The following HEATR4 variants were observed in gnomAD, a reference collection of about 807,000 sequenced individuals.
The protein encoded by HEATR4 is HEAT repeat-containing protein 4.
A neutral mutation model predicts 108.8 loss-of-function variants in HEATR4; 95 were observed. That is an observed-to-expected ratio of 0.87 (90% confidence interval 0.74 to 1.04). The LOEUF (loss-of-function observed/expected upper bound fraction) is 1.04, where lower values mean the gene tolerates loss of function less well. Among genes scored for constraint, HEATR4 ranks in the 50% least tolerant of loss-of-function variants. The pLI is 0.00. For missense variants in HEATR4, 1,152 were observed against 1,253.8 expected (o/e 0.92, Z 1.23); for synonymous variants, 443 against 459.4 (o/e 0.96, Z 0.46).
At chr14:73,580,331 C>T in the HEATR4 span, among the ~76,000 whole-genome samples, 1 of 152,004 alleles carries the variant, frequency 6.6e-6, no homozygotes, top group Non-Finnish European at 1.5e-5. Flanking sequence ...TCTTATGTTG[C>T]CCAGGCTGGT....
chr14:73,480,131 G>A (rs1885189449), intron 17 of HEATR4, among the ~76,000 whole-genome samples: 1 of 152,032 alleles, frequency 6.6e-6, no homozygotes, highest in Non-Finnish European at 1.5e-5. Flanking sequence ...TATTTATCTT[G>A]TTTTTCATTT....
At chr14:73,564,061 G>A in the HEATR4 span, among the ~76,000 whole-genome samples, 1 of 151,846 alleles carries the variant, frequency 6.6e-6, no homozygotes, top group African/African-American at 2.4e-5. Flanking sequence ...AGCACTTTGG[G>A]AGGCTGAGGC....
intron 16 of HEATR4, 102 bp downstream of exon 16, chr14:73,495,126 C>CT: frequency 1.0e-6 from 1 of 995,806 alleles, no homozygotes; most frequent in South Asian, 1.7e-5. Flanking sequence ...TTTCCTGACT[C>CT]TTTCATCCTC....
At chr14:73,578,685 C>T in the HEATR4 span, among the ~76,000 whole-genome samples, 1 of 151,974 alleles carries the variant, frequency 6.6e-6, no homozygotes, top group African/African-American at 2.4e-5. Flanking sequence ...GGTGCGGTGG[C>T]TTATGCCTCT....
chr14:73,569,920 CCTTTCA>C, the HEATR4 span: 1 of 1,581,360 alleles, frequency 6.3e-7, no homozygotes, highest in East Asian at 2.3e-5. Flanking sequence ...TGTTCGTTCG[CCTTTCA>C]CTTTGTGTGT....
intron 17 of HEATR4, chr14:73,491,807 G>A: frequency 1.3e-6 from 2 of 1,598,716 alleles, no homozygotes; most frequent in Non-Finnish European, 1.7e-6. Context: ...GCATTTGGAC[G>A]CCGCTCGCTA....
the HEATR4 span, among the ~76,000 whole-genome samples, chr14:73,590,126 G>C: frequency 6.6e-6 from 1 of 152,306 alleles, no homozygotes; most frequent in African/African-American, 2.4e-5. Flanking sequence ...AGCTCTGGCA[G>C]CCTGCTTTTA....
At chr14:73,488,268 A>G (rs1885528936) in intron 17 of HEATR4, among the ~76,000 whole-genome samples, 1 of 151,992 alleles carries the variant, frequency 6.6e-6, no homozygotes, top group African/African-American at 2.4e-5. Flanking sequence ...GAGTTCTCAC[A>G]AGATCTGGTT....
chr14:73,593,103 C>T, the HEATR4 span, among the ~76,000 whole-genome samples: 1 of 152,158 alleles, frequency 6.6e-6, no homozygotes, highest in African/African-American at 2.4e-5. Context: ...ATTACCATGT[C>T]GTCTTCTCTA....
At chr14:73,616,000 A>C in the HEATR4 span, among the ~76,000 whole-genome samples, 1 of 152,134 alleles carries the variant, frequency 6.6e-6, no homozygotes, top group Non-Finnish European at 1.5e-5. Context: ...TCAAGGTTAC[A>C]GTGATCTACA....
chr14:73,583,648 AGT>A, the HEATR4 span, among the ~76,000 whole-genome samples: 4 of 152,006 alleles, frequency 2.6e-5, no homozygotes, highest in South Asian at 4.1e-4. Flanking sequence ...TTAACATTAA[AGT>A]GTTAATTGAA....
At chr14:73,572,339 G>C in the HEATR4 span, among the ~76,000 whole-genome samples, 1 of 150,382 alleles carries the variant, frequency 6.6e-6, no homozygotes, top group Non-Finnish European at 1.5e-5. Context: ...ATATACAAAA[G>C]AAAAGAAAAA....
rs766383761 is a variant in HEATR4 at position 73,491,578 on chromosome 14, C to G, written c.2844+1488G>C. 3,275 of 1,543,396 alleles carry G rather than the reference C, an allele frequency of 2.1e-3. 7 individuals are homozygous for G. Among genetic ancestry groups the G allele is most frequent in the South Asian group, 4.1e-3 (346 of 83,724 alleles). On this transcript the variant is annotated intron_variant, in intron 17 of 17. Transcript: ENST00000553558. ...CGGCCTGGGACTCCCCGCTGCGGCG[C>G]GTCTTGGCCGAGCTGAACCGCATCC...
At chr14:73,521,522 C>T (rs1445066195) in intron 3 of HEATR4, among the ~76,000 whole-genome samples, 2 of 152,122 alleles carry the variant, frequency 1.3e-5, no homozygotes, top group Non-Finnish European at 2.9e-5. Flanking sequence ...TGCAGAGTGC[C>T]TGGAAAGTAG....
rs371023877 is a variant in HEATR4 at position 73,507,465 on chromosome 14, GCT to G, written c.1881+667_1881+668del. Among the ~76,000 whole-genome samples the G allele has an allele frequency of 1.4e-4, 21 of 152,136 alleles. No individual in the cohort carries two copies. The East Asian group carries it at 3.1e-3, about 22-fold the overall frequency. On this transcript the variant is annotated intron_variant, in intron 9 of 17. Coordinates refer to ENST00000553558, the MANE Select transcript of HEATR4 (RefSeq NM_001220484.1). ...AATTAATTTTTTGAGGCAGGGTCTT[GCT>G]CTGTCGCTCAGGCTGGAGTACAGTG...
chr14:73,567,497 TA>T, the HEATR4 span: 1 of 151,908 alleles, frequency 6.6e-6, no homozygotes, highest in Admixed American at 6.6e-5. Context: ...CAGCACTTTG[TA>T]AAACGAACCA....
chr14:73,479,988 G>A (rs1015202493), intron 17 of HEATR4, among the ~76,000 whole-genome samples: 5 of 152,164 alleles, frequency 3.3e-5, no homozygotes, highest in South Asian at 2.1e-4. Context: ...ACCAGAGTTC[G>A]ATATATGTTC....
At chr14:73,630,545 C>A in the HEATR4 span, among the ~76,000 whole-genome samples, 2 of 152,240 alleles carry the variant, frequency 1.3e-5, no homozygotes, top group South Asian at 4.1e-4. Flanking sequence ...GGAAACCCAG[C>A]AAGGCCTGTC....
intron 2 of HEATR4, 62 bp downstream of exon 2, chr14:73,530,104 A>AG (rs1888615598): frequency 8.1e-6 from 1 of 123,952 alleles, no homozygotes; most frequent in African/African-American, 2.7e-5. Flanking sequence ...CTGGGACCAC[A>AG]GGTGTGCACC....
Sources: gnomAD v4.1 joint callset for allele counts (sites outside exome capture counted in the v4.1 genomes callset) on GRCh38, gnomAD v4.1.1 for gene constraint, MANE v1.5 for transcripts, NCBI Gene and HGNC (gene_info 2026-07-23, HGNC 2026-07-21) for gene names.